VPS13C: variants seen among roughly 807,000 people sequenced by gnomAD.
The protein encoded by VPS13C is intermembrane lipid transfer protein VPS13C.
Under a neutral mutation model 456.8 loss-of-function variants are expected in VPS13C, and 358 were observed. The observed-to-expected ratio is 0.78, with a 90% CI of 0.72 to 0.86. The LOEUF (loss-of-function observed/expected upper bound fraction) is 0.86. Ranked by LOEUF, VPS13C falls within the 40% of genes least tolerant of loss-of-function variation. The pLI is 0.00. For synonymous variants in VPS13C, 1,578 were observed against 1,486.7 expected, an observed-to-expected ratio of 1.06 and a Z score of -1.41; for missense variants, 4,818 against 4,385.4, an observed-to-expected ratio of 1.10 and a Z score of -2.79.
At chr15:61,894,918 G>A (rs532513729) in intron 66 of VPS13C, among the ~76,000 whole-genome samples, 6 of 152,208 alleles carry the variant, frequency 3.9e-5, no homozygotes, top group Admixed American at 2.6e-4. Context: ...CATTTCATCC[G>A]ACTGCTGCAG....
At chr15:61,910,491 T>C (rs1224566481) in intron 63 of VPS13C, among the ~76,000 whole-genome samples, 186 bp from the exon 64 acceptor site, 1 of 152,074 alleles carries the variant, frequency 6.6e-6, no homozygotes, top group Non-Finnish European at 1.5e-5. Flanking sequence ...ACCAAAGAAA[T>C]CACATCAGGA....
intron 43 of VPS13C, among the ~76,000 whole-genome samples, chr15:61,946,633 T>C (rs2044614706): frequency 7.4e-6 from 1 of 134,762 alleles, no homozygotes; most frequent in South Asian, 2.6e-4. Context: ...AAAAAAGTTG[T>C]AGAAATTTTA....
intron 73 of VPS13C, among the ~76,000 whole-genome samples, chr15:61,880,382 AT>A (rs1895758026): frequency 6.6e-6 from 1 of 152,108 alleles, no homozygotes; most frequent in Non-Finnish European, 1.5e-5. Flanking sequence ...TCTTCTTTGA[AT>A]AAGGGGGTTA....
At chr15:61,899,807 C>G (rs2042941924) in intron 66 of VPS13C, among the ~76,000 whole-genome samples, 1 of 151,752 alleles carries the variant, frequency 6.6e-6, no homozygotes, top group African/African-American at 2.4e-5. Flanking sequence ...GAGACACAAC[C>G]AAAAAAGAGG....
intron 58 of VPS13C, among the ~76,000 whole-genome samples, chr15:61,918,694 A>G (rs374509236): frequency 2.6e-5 from 4 of 152,218 alleles, no homozygotes; most frequent in South Asian, 4.1e-4. Flanking sequence ...AAACTATAAG[A>G]TAACAATGTC....
chr15:61,865,584 A>G (rs991555434), intron 81 of VPS13C: 3 of 707,420 alleles, frequency 4.2e-6, no homozygotes, highest in African/African-American at 1.9e-5. Context: ...ATATGTGTGT[A>G]TATGTGTGTG....
At chr15:62,023,906 C>A in intron 6 of VPS13C, 61 bp from the exon 7 acceptor site, 1 of 1,467,108 alleles carries the variant, frequency 6.8e-7, no homozygotes, top group Non-Finnish European at 9.3e-7. Context: ...GACTACAGGA[C>A]AGAAAAGAAA....
chr15:61,964,362 T>C (rs1348007448), intron 31 of VPS13C, among the ~76,000 whole-genome samples: 1 of 151,992 alleles, frequency 6.6e-6, no homozygotes, highest in Non-Finnish European at 1.5e-5. Context: ...AATTTCCTTA[T>C]GTGTAAAATG....
Position 61,911,853 on chromosome 15 carries a change from A to ATT in VPS13C, c.8701_8702insAA (p.Ile2901LysfsTer21). ...GAAAAATGCTACCTCTGAAGAAGCAATATAGTTCCATTTATTAGTTGGCAT... is the reference window on the plus strand; with the variant it reads ...GAAAAATGCTACCTCTGAAGAAGCAATTTATAGTTCCATTTATTAGTTGGCAT... On this transcript the variant is annotated frameshift_variant, in exon 63 of 85. Transcript: ENST00000644861. LOFTEE classifies it high-confidence loss of function. The ATT allele has an allele frequency of 6.2e-7, 1 of 1,609,224 alleles. No homozygotes were observed. The highest frequency in any genetic ancestry group is 8.5e-7 in the Non-Finnish European group (1 of 1,177,806).
intron 6 of VPS13C, among the ~76,000 whole-genome samples, chr15:62,024,768 C>G (rs1357722178): frequency 6.6e-6 from 1 of 152,112 alleles, no homozygotes; most frequent in African/African-American, 2.4e-5. Flanking sequence ...TGTTCTATCT[C>G]CTAACATGCA....
intron 60 of VPS13C, 21 bp downstream of exon 60, chr15:61,917,320 A>C (rs1290645526): frequency 6.9e-6 from 11 of 1,602,562 alleles, no homozygotes; most frequent in African/African-American, 1.3e-5. Context: ...ACAAAAATCA[A>C]ACAAAATGCA....
rs2044042735 is a variant in VPS13C, at chr15:61,931,168, C to T, written c.5960G>A (p.Gly1987Asp). The change falls in exon 50 of 85, where the codon GGC becomes GAC. Residue 1987 changes from glycine to aspartate, a missense_variant. Gly to Asp is a moderately conservative substitution (Grantham distance 94). This residue lies in a region of VPS13C where 4,552 missense variants were observed against 4,130.6 expected (regional missense o/e 1.10). Transcript: ENST00000644861. ...MASSGKMFKD[G>D]SMNVSVKLKT... ...AAGTTTAACGCTGACATTCATTGAG[C>T]CATCCTTAAACATCTTCCCTGAGGA... 1.2e-6 allele frequency: 2 copies of T among 1,614,116 alleles called. No individual in the cohort carries two copies. Among genetic ancestry groups the T allele is most frequent in the Non-Finnish European group, 1.7e-6 (2 of 1,180,020 alleles).
intron 5 of VPS13C, 35 bp downstream of exon 5, chr15:62,033,406 G>A: frequency 7.3e-7 from 1 of 1,360,836 alleles, no homozygotes; most frequent in Non-Finnish European, 1.0e-6. Flanking sequence ...CTAAAATATA[G>A]GTATGTCTAA....
In VPS13C at chr15:61,884,284, C is replaced by CA. The variant is rs747302650; in HGVS notation, c.9342-16dup. ...CAACACCAGAACTAAATAATTCACA[C>CA]AAAAAAATTAAATTAGCAATATGTA... On this transcript the variant is annotated splice_polypyrimidine_tract_variant and intron_variant, in intron 67 of 84. Transcript: ENST00000644861. 1.5e-5 allele frequency: 24 copies of CA among 1,604,426 alleles called. No homozygotes were observed. Among genetic ancestry groups the CA allele is most frequent in the South Asian group, 2.2e-5 (2 of 88,902 alleles).
chr15:61,926,955 A>G (rs1445035384), intron 52 of VPS13C, 136 bp downstream of exon 52: 1 of 769,572 alleles, frequency 1.3e-6, no homozygotes, highest in African/African-American at 1.8e-5. Flanking sequence ...GGAATTCAAT[A>G]TCTTTATATG....
chr15:61,856,331 T>C lies in VPS13C; in HGVS notation c.11031A>G (p.Val3677=). The C allele has an allele frequency of 6.2e-7, 1 of 1,613,320 alleles. No homozygotes were observed. The change falls in exon 83 of 85, where the codon GTA becomes GTG. Residue 3677 remains valine (V), a synonymous_variant. Transcript: ENST00000644861. ...VDWQCPFEDF[V]FPPSVSENVL... ...CATTTTCACTGACACTAGGAGGAAA[T>C]ACAAAATCTTCAAATGGACATTGCC... is the stretch of plus-strand genomic sequence containing the variant.
intron 81 of VPS13C, chr15:61,866,957 T>G (rs1431785343): frequency 1.0e-6 from 1 of 983,564 alleles, no homozygotes; most frequent in Non-Finnish European, 1.2e-6. Flanking sequence ...GATAAGACAT[T>G]GTTAAACATT....
intron 1 of VPS13C, among the ~76,000 whole-genome samples, chr15:62,045,309 C>G (rs1026113728): frequency 1.3e-5 from 2 of 151,952 alleles, no homozygotes; most frequent in East Asian, 1.9e-4. Context: ...TACTTTTGCA[C>G]CAACCTAATA....
In VPS13C at chr15:61,982,450, A is replaced by G; in HGVS notation, c.2029+9T>C. On this transcript the variant is annotated intron_variant, in intron 21 of 84. Transcript: ENST00000644861. ...AGCTGATGCTTATGTAGACACTCAA[A>G]TTCTTCACCTGTAGCTGTTCTCTCC... 2 of 1,596,248 alleles carry G rather than the reference A, an allele frequency of 1.3e-6. No homozygotes were observed. The highest frequency in any genetic ancestry group is 1.7e-6 in the Non-Finnish European group (2 of 1,174,478).
Sources: allele counts gnomAD v4.1 joint callset (sites outside exome capture counted in the v4.1 genomes callset), GRCh38; gene constraint gnomAD v4.1.1; regional missense constraint gnomAD v4.1.1; transcripts MANE v1.5; gene names NCBI Gene and HGNC (gene_info 2026-07-23, HGNC 2026-07-21).